AKAP6: variants seen among roughly 807,000 people sequenced by gnomAD.
The protein encoded by AKAP6 is A-kinase anchoring protein 6, also known as A-kinase anchor protein 6.
Under a neutral mutation model 188.5 loss-of-function variants are expected in AKAP6, and 58 were observed. The observed-to-expected ratio is 0.31, with a 90% CI of 0.25 to 0.38. The LOEUF (loss-of-function observed/expected upper bound fraction) is 0.38. Ranked by LOEUF, AKAP6 falls within the 10% of genes least tolerant of loss-of-function variation. The pLI is 1.00. For synonymous variants in AKAP6, 989 were observed against 998.6 expected, an observed-to-expected ratio of 0.99 and a Z score of 0.18; for missense variants, 2,710 against 2,740.0, an observed-to-expected ratio of 0.99 and a Z score of 0.24.
intron 2 of AKAP6, among the ~76,000 whole-genome samples, chr14:32,456,778 G>A (rs113429573): frequency 1.4e-3 from 216 of 152,280 alleles, no homozygotes; most frequent in Middle Eastern, 3.4e-3. Flanking sequence ...CTTAATGGAC[G>A]TGCTGTTTCT....
chr14:32,779,930 G>A lies in AKAP6; in HGVS notation c.3588+6037G>A, dbSNP rs546067681. The stretch of plus-strand genomic sequence containing the variant: ...ACTGTTGGTAGGAATGTAGATTGGT[G>A]TAGCCTCTGTGGGAAGCAGTATGGA... On this transcript the variant is annotated intron_variant, in intron 12 of 13. Transcript: ENST00000280979. 3.5e-4 allele frequency among the ~76,000 whole-genome samples: 53 copies of A among 152,200 alleles called. 1 individual carries two copies. In the South Asian group the frequency reaches 0.011, roughly 30 times the overall value.
intron 2 of AKAP6, among the ~76,000 whole-genome samples, chr14:32,492,383 G>GAGAGAGAGAGAGAGAGA (rs1566537012): frequency 2.8e-5 from 4 of 141,544 alleles, no homozygotes; most frequent in African/African-American, 1.0e-4. Context: ...GAGAGAGAGA[G>GAGAGAGAGAGAGAGAGA]GCATTTGGAT....
chr14:32,471,259 C>T (rs1878762168), intron 2 of AKAP6, among the ~76,000 whole-genome samples: 1 of 152,148 alleles, frequency 6.6e-6, no homozygotes, highest in Admixed American at 6.5e-5. Context: ...ATAAAATGTA[C>T]TGCCAAAGTT....
chr14:32,680,668 A>G (rs1889639141), intron 8 of AKAP6, among the ~76,000 whole-genome samples: 1 of 152,230 alleles, frequency 6.6e-6, no homozygotes, highest in Non-Finnish European at 1.5e-5. Flanking sequence ...TAGCTGAAAA[A>G]TGAATCAGAC....
At chr14:32,400,528 G>A in intron 1 of AKAP6, among the ~76,000 whole-genome samples, 1 of 110,052 alleles carries the variant, frequency 9.1e-6, no homozygotes, top group Non-Finnish European at 1.7e-5. Flanking sequence ...GTGCTTGGCG[G>A]CAGGAGTATT....
chr14:32,395,419 C>T (rs969012535), intron 1 of AKAP6, among the ~76,000 whole-genome samples: 2 of 152,184 alleles, frequency 1.3e-5, no homozygotes, highest in African/African-American at 2.4e-5. Context: ...TTCACATTGC[C>T]GTCTCACTGG....
chr14:32,646,774 T>C (rs375050628), intron 7 of AKAP6, among the ~76,000 whole-genome samples: 19 of 152,212 alleles, frequency 1.2e-4, no homozygotes, highest in African/African-American at 2.4e-4. Context: ...TCCATCTTCA[T>C]TGAAATCTAG....
At chr14:32,693,536 A>G (rs1227921064) in intron 8 of AKAP6, 2 of 152,092 alleles carry the variant, frequency 1.3e-5, no homozygotes, top group Non-Finnish European at 2.9e-5. Flanking sequence ...ATATGAGGCA[A>G]TTTCCTCGCA....
chr14:32,822,328 T>C lies in AKAP6; in HGVS notation c.4515T>C (p.Asp1505=), dbSNP rs759609026. The change falls in exon 13 of 14, where the codon GAT becomes GAC. Residue 1505 remains aspartate (D), a synonymous_variant. Coordinates refer to ENST00000280979, the MANE Select transcript of AKAP6 (RefSeq NM_004274.5). Reference sequence around the variant, plus strand: ...CCCTGCTTCGTGGTTTTTATTTTGATAAAAAATCATGCAAATCTAAACATC... The same window carrying C: ...CCCTGCTTCGTGGTTTTTATTTTGACAAAAAATCATGCAAATCTAAACATC... ...EDPLLRGFYF[D]KKSCKSKHQT... is the part of the protein sequence containing the mutation. 2 of 1,613,890 alleles carry C rather than the reference T, an allele frequency of 1.2e-6. No individual in the cohort carries two copies. The highest frequency in any genetic ancestry group is 3.3e-5 in the Admixed American group (2 of 59,936).
intron 5 of AKAP6, among the ~76,000 whole-genome samples, chr14:32,590,721 G>A (rs1338906137): frequency 6.6e-6 from 1 of 152,078 alleles, no homozygotes; most frequent in Admixed American, 6.5e-5. Context: ...TCTGTTTTCA[G>A]GATGCAATTT....
At chr14:32,344,080 C>T (rs1042394485) in intron 1 of AKAP6, among the ~76,000 whole-genome samples, 1 of 152,214 alleles carries the variant, frequency 6.6e-6, no homozygotes, top group African/African-American at 2.4e-5. Context: ...CTGTGCGAAA[C>T]TGGGGACAGG....
At position 32,789,009 on chromosome 14, in the gene AKAP6, G is replaced by A. The variant is rs553683106; in HGVS notation, c.3588+15116G>A. 8.5e-5 allele frequency among the ~76,000 whole-genome samples: 13 copies of A among 152,242 alleles called. No homozygotes were observed. The East Asian group carries it at 2.5e-3, about 30-fold the overall frequency. ...GGGTCGGCCACCATCTATGTGGTTCGGTAGACTCAGCCATTCCAGCCTGCC... is the reference window on the plus strand; with the variant it reads ...GGGTCGGCCACCATCTATGTGGTTCAGTAGACTCAGCCATTCCAGCCTGCC... On this transcript the variant is annotated intron_variant, in intron 12 of 13. Coordinates refer to ENST00000280979, the MANE Select transcript of AKAP6 (RefSeq NM_004274.5).
rs1472293721 is a variant in AKAP6, at chr14:32,678,335, G to C, written c.2755G>C (p.Glu919Gln). Residue 919 changes from glutamate to glutamine, a missense_variant, in exon 8 of 14, where the codon GAA (glutamate) becomes CAA (glutamine). Physicochemically the swap from Glu to Gln is conservative, Grantham distance 29 (BLOSUM62 2). This residue lies in a region of AKAP6 where 2,473 missense variants were observed against 2,426.1 expected (regional missense o/e 1.02). Transcript: ENST00000280979. ...PKAEVQLCYL[E>Q]AQRDAVEQMS... ...GGCTGAGGTTCAACTATGCTACCTG[G>C]AAGCACAAAGAGATGCTGTTGAGCA... The C allele has an allele frequency of 3.1e-6, 5 of 1,612,366 alleles. No homozygotes were observed. Among genetic ancestry groups the C allele is most frequent in the Non-Finnish European group, 4.2e-6 (5 of 1,178,944 alleles).
intron 8 of AKAP6, among the ~76,000 whole-genome samples, chr14:32,695,372 G>T (rs2139694646): frequency 6.6e-6 from 1 of 152,304 alleles, no homozygotes; most frequent in South Asian, 2.1e-4. Context: ...TGTTTGCAGA[G>T]ATAGGCAGAT....
intron 1 of AKAP6, among the ~76,000 whole-genome samples, chr14:32,337,000 T>A (rs1028374158): frequency 9.2e-5 from 14 of 152,236 alleles, no homozygotes; most frequent in Non-Finnish European, 1.6e-4. Flanking sequence ...TGCTTTTAGC[T>A]TTTAATAGTT....
chr14:32,611,376 C>T (rs1886346379), intron 7 of AKAP6, among the ~76,000 whole-genome samples: 1 of 152,032 alleles, frequency 6.6e-6, no homozygotes, highest in Non-Finnish European at 1.5e-5. Context: ...TTCTAAAGTA[C>T]AGGAAAGTTT....
intron 1 of AKAP6, among the ~76,000 whole-genome samples, chr14:32,427,885 A>G (rs116175424): frequency 0.011 from 1,715 of 152,378 alleles, 27 homozygotes; most frequent in African/African-American, 0.039. Context: ...AGTGCTATGT[A>G]GCAAGCACAT....
intron 12 of AKAP6, among the ~76,000 whole-genome samples, chr14:32,820,549 G>T (rs1455318675): frequency 6.6e-6 from 1 of 152,008 alleles, no homozygotes; most frequent in Admixed American, 6.6e-5. Flanking sequence ...AATTATTCTG[G>T]GGCTGGTGTG....
chr14:32,472,004 A>G (rs1566524000), intron 2 of AKAP6, among the ~76,000 whole-genome samples: 1 of 152,192 alleles, frequency 6.6e-6, no homozygotes, highest in Non-Finnish European at 1.5e-5. Flanking sequence ...GAGAGGTTTG[A>G]GAATTTACTT....
Sources: gnomAD v4.1 joint callset for allele counts (sites outside exome capture counted in the v4.1 genomes callset) on GRCh38, gnomAD v4.1.1 for gene constraint, gnomAD v4.1.1 regional missense constraint, MANE v1.5 for transcripts, NCBI Gene and HGNC (gene_info 2026-07-23, HGNC 2026-07-21) for gene names.